The following EYS variants were observed in gnomAD, a reference collection of about 807,000 sequenced individuals.
EYS encodes the protein protein eyes shut homolog.
EYS carries 250 observed loss-of-function variants against 282.1 expected under a neutral mutation model. The ratio of observed to expected loss-of-function variants is 0.89; its 90% CI spans 0.80 to 0.98. The LOEUF is 0.98. EYS is among the 50% of genes least tolerant of loss of function. The pLI, the probability that EYS is intolerant of heterozygous loss-of-function variation, is 0.00. For missense variants in EYS, 4,016 were observed against 3,709.0 expected, an observed-to-expected ratio of 1.08 and a Z score of -2.15; for synonymous variants, 1,355 against 1,282.9, an observed-to-expected ratio of 1.06 and a Z score of -1.20.
intron 2 of EYS, among the ~76,000 whole-genome samples, chr6:65,574,051 CAGTG>C (rs1177817486): frequency 6.6e-6 from 1 of 152,156 alleles, no homozygotes; most frequent in Admixed American, 6.6e-5. Flanking sequence ...ACCAACATGG[CAGTG>C]GGAGTCCCTG....
intron 5 of EYS, among the ~76,000 whole-genome samples, chr6:65,475,841 G>C (rs1765384719): frequency 6.6e-6 from 1 of 151,616 alleles, no homozygotes; most frequent in Non-Finnish European, 1.5e-5. Flanking sequence ...TCTCTTCATG[G>C]AGTAATTAAA....
intron 22 of EYS, among the ~76,000 whole-genome samples, chr6:64,753,937 C>T (rs1772846225): frequency 1.3e-5 from 2 of 151,942 alleles, no homozygotes; most frequent in Admixed American, 1.3e-4. Context: ...AACTAGAAAT[C>T]AATTCCAAAA....
intron 12 of EYS, among the ~76,000 whole-genome samples, chr6:65,093,768 G>C (rs1774641570): frequency 6.6e-6 from 1 of 151,628 alleles, no homozygotes; most frequent in African/African-American, 2.4e-5. Context: ...TTAATTAAAA[G>C]TCCTCACTTA....
intron 12 of EYS, among the ~76,000 whole-genome samples, chr6:65,226,236 T>TA (rs1766623504): frequency 6.6e-6 from 1 of 151,996 alleles, no homozygotes; most frequent in African/African-American, 2.4e-5. Flanking sequence ...AACAAATTTT[T>TA]AAAAATTAAA....
At chr6:65,042,258 C>T (rs1334544205) in intron 13 of EYS, among the ~76,000 whole-genome samples, 1 of 151,448 alleles carries the variant, frequency 6.6e-6, no homozygotes, top group African/African-American at 2.4e-5. Flanking sequence ...TATTTACCTG[C>T]ATTTCTTGTA....
At chr6:64,798,018 C>A (rs965843565) in intron 22 of EYS, among the ~76,000 whole-genome samples, 4 of 151,642 alleles carry the variant, frequency 2.6e-5, no homozygotes, top group African/African-American at 9.7e-5. Context: ...ATATTAAAAC[C>A]ATTATTTTCT....
chr6:65,202,082 A>G (rs979480938), intron 12 of EYS, among the ~76,000 whole-genome samples: 3 of 152,146 alleles, frequency 2.0e-5, no homozygotes, highest in African/African-American at 7.2e-5. Flanking sequence ...AGTGCACTCC[A>G]GCCTGGGTGA....
chr6:63,941,017 C>T (rs934320014), intron 35 of EYS, among the ~76,000 whole-genome samples: 4 of 151,986 alleles, frequency 2.6e-5, no homozygotes, highest in African/African-American at 4.8e-5. Flanking sequence ...ATGAACTCAC[C>T]CTTTTTTATG....
At chr6:65,595,728 G>A (rs997100305) in intron 2 of EYS, among the ~76,000 whole-genome samples, 4 of 151,838 alleles carry the variant, frequency 2.6e-5, no homozygotes, top group Non-Finnish European at 4.4e-5. Context: ...CTAGAATTGC[G>A]ACATCACTGT....
At chr6:65,534,685 T>C (rs1209261037) in intron 2 of EYS, among the ~76,000 whole-genome samples, 1 of 152,082 alleles carries the variant, frequency 6.6e-6, no homozygotes, top group East Asian at 1.9e-4. Context: ...CTAGTTAGCT[T>C]ATCTACAGCT....
intron 13 of EYS, among the ~76,000 whole-genome samples, chr6:65,034,172 C>T (rs559455553): frequency 6.6e-6 from 1 of 152,176 alleles, no homozygotes; most frequent in Non-Finnish European, 1.5e-5. Flanking sequence ...CCTATACCCC[C>T]ATTGTATCTT....
chr6:65,689,520 A>G (rs1476691687), intron 1 of EYS, among the ~76,000 whole-genome samples: 1 of 150,194 alleles, frequency 6.7e-6, no homozygotes, highest in Non-Finnish European at 1.5e-5. Flanking sequence ...AACTTAAAGT[A>G]TAATAAAAAA....
chr6:65,575,521 C>G (rs988436702), intron 2 of EYS, among the ~76,000 whole-genome samples: 10 of 151,486 alleles, frequency 6.6e-5, no homozygotes, highest in Non-Finnish European at 1.3e-4. Context: ...CCTAATGTGA[C>G]AGACATATCA....
chr6:63,891,143 G>A (rs566852556), intron 35 of EYS, among the ~76,000 whole-genome samples: 3 of 152,204 alleles, frequency 2.0e-5, no homozygotes, highest in Admixed American at 6.5e-5. Flanking sequence ...ATTCACGGCC[G>A]AATTCTACCA....
intron 14 of EYS, among the ~76,000 whole-genome samples, chr6:64,968,074 A>G (rs1236749527): frequency 6.6e-6 from 1 of 152,184 alleles, no homozygotes; most frequent in East Asian, 1.9e-4. Flanking sequence ...AATACAACAT[A>G]AAAGACAAAT....
chr6:64,949,701 T>C (rs1769417760), intron 14 of EYS, among the ~76,000 whole-genome samples: 1 of 151,728 alleles, frequency 6.6e-6, no homozygotes, highest in Non-Finnish European at 1.5e-5. Flanking sequence ...CAAGGGGAGA[T>C]TTTACAGGGC....
At chr6:65,367,649 A>T (rs1257500095) in intron 8 of EYS, among the ~76,000 whole-genome samples, 6 of 151,710 alleles carry the variant, frequency 4.0e-5, no homozygotes, top group African/African-American at 7.2e-5. Flanking sequence ...GATACAAGAT[A>T]AGCTTGCAAC....
At position 65,012,444 on chromosome 6, in the gene EYS, G is replaced by A. The variant is rs573607573; in HGVS notation, c.2138-14741C>T. ...AGGTACAAACATAGGTTCTAAAAAC[G>A]CCTGGCTGAATACTTTAAAGCAGAA... On this transcript the variant is annotated intron_variant, in intron 13 of 42. Transcript: ENST00000503581. Among the ~76,000 whole-genome samples, 49 of 152,218 alleles carry A rather than the reference G, an allele frequency of 3.2e-4. 2 individuals are homozygous for A. In the South Asian group the frequency reaches 5.4e-3, roughly 17 times the overall value.
intron 29 of EYS, among the ~76,000 whole-genome samples, chr6:64,319,013 G>A (rs888101047): frequency 2.0e-5 from 3 of 151,456 alleles, no homozygotes; most frequent in South Asian, 2.1e-4. Flanking sequence ...CTTATTCATT[G>A]TATCTAATTA....
Sources: gnomAD v4.1 joint callset for allele counts (sites outside exome capture counted in the v4.1 genomes callset) on GRCh38, gnomAD v4.1.1 for gene constraint, MANE v1.5 for transcripts, NCBI Gene and HGNC (gene_info 2026-07-23, HGNC 2026-07-21) for gene names.